The following PDE3A variants were observed in gnomAD, a reference collection of about 807,000 sequenced individuals.
PDE3A encodes phosphodiesterase 3A.
In PDE3A, 43 loss-of-function variants were observed where a neutral mutation model predicts 98.3. The ratio of observed to expected loss-of-function variants is 0.44; its 90% confidence interval spans 0.34 to 0.56. The LOEUF is 0.56. Ranked by LOEUF, PDE3A falls within the 20% of genes least tolerant of loss-of-function variation. PDE3A has a pLI of 0.01. For missense variants in PDE3A, 1,427 were observed against 1,440.7 expected (o/e 0.99, Z 0.15); for synonymous variants, 663 against 567.9 (o/e 1.17, Z -2.38).
intron 15 of PDE3A, among the ~76,000 whole-genome samples, chr12:20,669,839 A>G (rs1055188479): frequency 3.3e-5 from 5 of 152,130 alleles, no homozygotes; most frequent in Admixed American, 6.6e-5. Context: ...GATCAAATTC[A>G]CACATAACAA....
At chr12:20,620,448 C>A (rs952974863) in intron 4 of PDE3A, among the ~76,000 whole-genome samples, 6 of 152,092 alleles carry the variant, frequency 3.9e-5, no homozygotes, top group African/African-American at 1.4e-4. Context: ...AAATTCCCTT[C>A]TCTCCCACAT....
At chr12:20,463,772 T>G (rs1945294096) in intron 1 of PDE3A, among the ~76,000 whole-genome samples, 1 of 152,170 alleles carries the variant, frequency 6.6e-6, no homozygotes, top group Admixed American at 6.5e-5. Flanking sequence ...AGAAAAACAT[T>G]AAGAAGGGGA....
intron 2 of PDE3A, among the ~76,000 whole-genome samples, chr12:20,608,292 C>T (rs1448627274): frequency 4.6e-5 from 7 of 152,020 alleles, no homozygotes; most frequent in Admixed American, 1.3e-4. Flanking sequence ...TAACTTCTTA[C>T]GTGTGATGTG....
intron 15 of PDE3A, among the ~76,000 whole-genome samples, chr12:20,670,938 T>A (rs1945458556): frequency 7.8e-6 from 1 of 127,826 alleles, no homozygotes; most frequent in Non-Finnish European, 1.6e-5. Flanking sequence ...TCAACAAAAT[T>A]GATAGACCAC....
chr12:20,593,386 A>G (rs1275093279), intron 2 of PDE3A, among the ~76,000 whole-genome samples: 1 of 152,152 alleles, frequency 6.6e-6, no homozygotes, highest in Non-Finnish European at 1.5e-5. Flanking sequence ...GTTGTTCCCT[A>G]ACTTCGCGGA....
At chr12:20,510,456 A>C (rs1017478532) in intron 1 of PDE3A, among the ~76,000 whole-genome samples, 6 of 152,076 alleles carry the variant, frequency 3.9e-5, no homozygotes, top group South Asian at 2.1e-4. Context: ...AATATGAAGA[A>C]AAATAGAAAA....
intron 9 of PDE3A, among the ~76,000 whole-genome samples, chr12:20,638,817 G>A (rs902900494): frequency 1.3e-5 from 2 of 151,802 alleles, no homozygotes; most frequent in African/African-American, 4.8e-5. Flanking sequence ...ATATCTCACA[G>A]ACTCTCGAAA....
chr12:20,369,549 C>G lies in PDE3A; in HGVS notation c.265C>G (p.Leu89Val). 6.4e-7 allele frequency: 1 copy of G among 1,559,178 alleles called. No individual in the cohort carries two copies. The highest frequency in any genetic ancestry group is 1.7e-4 in the Middle Eastern group (1 of 5,916). ...RLVRGEVGCDLEQCKEAAAAE... is the reference protein window; with the variant it reads ...RLVRGEVGCDVEQCKEAAAAE... ...GGTCCGCGGGGAGGTCGGCTGTGAC[C>G]TGGAGCAGTGTAAGGAGGCGGCGGC... The change falls in exon 1 of 16, where the codon CTG becomes GTG. Residue 89 changes from leucine (L) to valine (V), a missense_variant. By Grantham distance (32) the Leu-to-Val change is conservative. Around this residue, in one of 3 missense-constraint regions of PDE3A, gnomAD observed 1,012 missense variants for 886.5 expected, o/e 1.14. Coordinates refer to ENST00000359062, the MANE Select transcript of PDE3A (RefSeq NM_000921.5).
intron 15 of PDE3A, among the ~76,000 whole-genome samples, chr12:20,663,139 C>A (rs1401692093): frequency 6.6e-6 from 1 of 152,124 alleles, no homozygotes; most frequent in African/African-American, 2.4e-5. Flanking sequence ...CTGTGGTGTG[C>A]AGAAGACAGA....
At chr12:20,475,695 ACT>A (rs573434429) in intron 1 of PDE3A, among the ~76,000 whole-genome samples, 173 of 151,498 alleles carry the variant, frequency 1.1e-3, no homozygotes, top group Admixed American at 1.8e-3. Context: ...ATGCCAGTGC[ACT>A]TCAGCCTGGG....
At chr12:20,377,101 G>A (rs908575800) in intron 1 of PDE3A, among the ~76,000 whole-genome samples, 17 of 151,830 alleles carry the variant, frequency 1.1e-4, no homozygotes, top group Non-Finnish European at 8.9e-5. Flanking sequence ...ACCTGTATGT[G>A]CATTTATGAT....
At chr12:20,608,430 T>A (rs940327970) in intron 2 of PDE3A, among the ~76,000 whole-genome samples, 1 of 152,158 alleles carries the variant, frequency 6.6e-6, no homozygotes, top group Non-Finnish European at 1.5e-5. Flanking sequence ...CTTAGCTAAT[T>A]TCAATAAGGA....
At chr12:20,403,063 T>C (rs1001801206) in intron 1 of PDE3A, among the ~76,000 whole-genome samples, 1 of 152,226 alleles carries the variant, frequency 6.6e-6, no homozygotes, top group Non-Finnish European at 1.5e-5. Context: ...TGCCATCACA[T>C]GAATTTTTAT....
chr12:20,557,794 A>C (rs1435660456), intron 2 of PDE3A, among the ~76,000 whole-genome samples: 1 of 152,238 alleles, frequency 6.6e-6, no homozygotes, highest in East Asian at 1.9e-4. Flanking sequence ...AATTAGGATC[A>C]TCTAAAAGAA....
intron 15 of PDE3A, among the ~76,000 whole-genome samples, chr12:20,670,445 G>A (rs1235966067): frequency 6.6e-6 from 1 of 151,996 alleles, no homozygotes; most frequent in Non-Finnish European, 1.5e-5. Flanking sequence ...CACATAATTG[G>A]AAGTAAAGCT....
At chr12:20,664,716 C>A (rs951705438) in intron 15 of PDE3A, among the ~76,000 whole-genome samples, 8 of 152,096 alleles carry the variant, frequency 5.3e-5, no homozygotes, top group African/African-American at 1.4e-4. Flanking sequence ...GTAAGACATG[C>A]CTTTTGCCTT....
chr12:20,457,063 C>T (rs1413541048), intron 1 of PDE3A, among the ~76,000 whole-genome samples: 1 of 141,596 alleles, frequency 7.1e-6, no homozygotes, highest in African/African-American at 2.5e-5. Flanking sequence ...CTATGTCCAA[C>T]AAAAAACAAA....
chr12:20,558,718 T>C (rs111578688), intron 2 of PDE3A, among the ~76,000 whole-genome samples: 5,422 of 150,038 alleles, frequency 0.036, 140 homozygotes, highest in Middle Eastern at 0.066. Flanking sequence ...ATAATAATAA[T>C]AACAATAATG....
chr12:20,535,752 A>C (rs1941732372), intron 1 of PDE3A, among the ~76,000 whole-genome samples: 1 of 152,184 alleles, frequency 6.6e-6, no homozygotes. Context: ...TCAGCATATA[A>C]TATTGGATAT....
Sources: gnomAD v4.1 joint callset for allele counts (sites outside exome capture counted in the v4.1 genomes callset) on GRCh38, gnomAD v4.1.1 for gene constraint, gnomAD v4.1.1 regional missense constraint, MANE v1.5 for transcripts, NCBI Gene and HGNC (gene_info 2026-07-23, HGNC 2026-07-21) for gene names.